The following GABBR2 variants were observed in gnomAD, a reference collection of about 807,000 sequenced individuals.
The protein encoded by GABBR2 is gamma-aminobutyric acid type B receptor subunit 2, also known as G-protein coupled receptor 51.
In GABBR2, 23 loss-of-function variants were observed where a neutral mutation model predicts 105.6. That is an observed-to-expected ratio of 0.22 (90% CI 0.16 to 0.31). The LOEUF is 0.31. GABBR2 is among the 10% of genes least tolerant of loss of function. The pLI is 1.00. For missense variants in GABBR2, 734 were observed against 1,245.5 expected, an observed-to-expected ratio of 0.59 and a Z score of 6.18; for synonymous variants, 478 against 499.7, an observed-to-expected ratio of 0.96 and a Z score of 0.58.
chr9:98,687,029 C>T (rs1383483049), intron 1 of GABBR2, among the ~76,000 whole-genome samples: 2 of 152,096 alleles, frequency 1.3e-5, no homozygotes, highest in African/African-American at 4.8e-5. Context: ...AACCAGGTTT[C>T]CTGCCCTGCC....
At chr9:98,599,250 C>T (rs1829283946) in intron 1 of GABBR2, among the ~76,000 whole-genome samples, 1 of 152,152 alleles carries the variant, frequency 6.6e-6, no homozygotes, top group Non-Finnish European at 1.5e-5. Flanking sequence ...TCCCCACCAC[C>T]ATTTAACCAG....
At chr9:98,507,501 CAAG>C (rs1827536788) in intron 3 of GABBR2, among the ~76,000 whole-genome samples, 1 of 152,174 alleles carries the variant, frequency 6.6e-6, no homozygotes, top group Non-Finnish European at 1.5e-5. Flanking sequence ...CAGTCAAAAT[CAAG>C]AACACCTTGA....
intron 17 of GABBR2, among the ~76,000 whole-genome samples, chr9:98,297,960 G>A (rs1487808428): frequency 6.8e-6 from 1 of 147,578 alleles, no homozygotes; most frequent in African/African-American, 2.5e-5. Flanking sequence ...TCTCCAGTGA[G>A]AATTCTCCAG....
intron 1 of GABBR2, among the ~76,000 whole-genome samples, chr9:98,621,381 T>C (rs938493146): frequency 9.9e-5 from 15 of 152,196 alleles, no homozygotes; most frequent in African/African-American, 3.4e-4. Flanking sequence ...ATTCTTGCCT[T>C]GAGAACACAT....
intron 6 of GABBR2, among the ~76,000 whole-genome samples, chr9:98,464,473 C>T (rs538431082): frequency 2.7e-5 from 4 of 148,546 alleles, no homozygotes; most frequent in South Asian, 2.2e-4. Flanking sequence ...TCTGCCTGGC[C>T]GCCCCCATCT....
chr9:98,545,244 T>C (rs1828377271), intron 2 of GABBR2, among the ~76,000 whole-genome samples: 1 of 152,216 alleles, frequency 6.6e-6, no homozygotes, highest in African/African-American at 2.4e-5. Flanking sequence ...GGGTTTACAA[T>C]AGGCTTGGAG....
At chr9:98,619,031 T>C (rs557097638) in intron 1 of GABBR2, among the ~76,000 whole-genome samples, 1 of 152,276 alleles carries the variant, frequency 6.6e-6, no homozygotes, top group African/African-American at 2.4e-5. Flanking sequence ...AAAAGTGAAG[T>C]GAAGTGTTCT....
intron 1 of GABBR2, among the ~76,000 whole-genome samples, chr9:98,699,545 G>A (rs540982456): frequency 1.3e-5 from 2 of 152,220 alleles, no homozygotes; most frequent in South Asian, 4.1e-4. Context: ...CTATTTGTTC[G>A]ATAAATATTT....
chr9:98,626,733 C>A (rs539211971), intron 1 of GABBR2, among the ~76,000 whole-genome samples: 1 of 152,300 alleles, frequency 6.6e-6, no homozygotes, highest in South Asian at 2.1e-4. Flanking sequence ...CAACACCAAG[C>A]ATTTGCATGT....
At chr9:98,319,325 A>T (rs1307299489) in intron 13 of GABBR2, among the ~76,000 whole-genome samples, 1 of 152,106 alleles carries the variant, frequency 6.6e-6, no homozygotes, top group Non-Finnish European at 1.5e-5. Context: ...AACCTTCCAG[A>T]TCCCTCAGGG....
chr9:98,615,389 T>C (rs569645136), intron 1 of GABBR2, among the ~76,000 whole-genome samples: 9 of 152,316 alleles, frequency 5.9e-5, no homozygotes, highest in African/African-American at 1.9e-4. Context: ...TCCACAGAAG[T>C]GAAGTTCTAC....
intron 1 of GABBR2, among the ~76,000 whole-genome samples, chr9:98,701,806 C>G (rs1299951605): frequency 6.6e-6 from 1 of 152,164 alleles, no homozygotes; most frequent in East Asian, 1.9e-4. Flanking sequence ...CACCAGAAAA[C>G]AAGGGACCCG....
rs529356725 is a variant in GABBR2 at position 98,549,331 on chromosome 9, C to CT, written c.460-7289dup. Among the ~76,000 whole-genome samples the CT allele has an allele frequency of 2.1e-4, 12 of 57,638 alleles. 3 individuals carry two copies. Among genetic ancestry groups the CT allele is most frequent in the Non-Finnish European group, 2.8e-4 (6 of 21,818 alleles). 37.8% of individuals were successfully genotyped at this position (57,638 alleles called of 152,430 possible). A position where few individuals can be genotyped will look rare whatever the true frequency, so the allele number is the denominator to read the frequency against. On this transcript the variant is annotated intron_variant, in intron 2 of 18. Transcript: ENST00000259455. ...ATGTTTTATTGAGTAGCCAAATACC[C>CT]TTTTTTTTCATTTTTGGTTTATGCC...
intron 17 of GABBR2, among the ~76,000 whole-genome samples, chr9:98,295,139 T>A (rs964042258): frequency 6.6e-6 from 1 of 152,238 alleles, no homozygotes; most frequent in Non-Finnish European, 1.5e-5. Context: ...TTATTTGTAA[T>A]CCCCAAATCA....
At position 98,349,344 on chromosome 9, in the gene GABBR2, G is replaced by GTTTTTTTTTTTTTTTTTTTTTTTTTTT. The variant is rs1564026872; in HGVS notation, c.1893+13370_1893+13371insAAAAAAAAAAAAAAAAAAAAAAAAAAA. Among the ~76,000 whole-genome samples, 2 of 105,504 alleles carry GTTTTTTTTTTTTTTTTTTTTTTTTTTT rather than the reference G, an allele frequency of 1.9e-5. 1 individual carries two copies. The highest frequency in any genetic ancestry group is 3.6e-5 in the Non-Finnish European group (2 of 55,464). 69.2% of individuals were successfully genotyped at this position (105,504 alleles called of 152,430 possible). A position where few individuals can be genotyped will look rare whatever the true frequency, so the allele number is the denominator to read the frequency against. On this transcript the variant is annotated intron_variant, in intron 13 of 18. Coordinates refer to ENST00000259455, the MANE Select transcript of GABBR2 (RefSeq NM_005458.8). The stretch of plus-strand genomic sequence containing the variant: ...TTTGGTTTGCCAATATTTTGTTGAA[G>GTTTTTTTTTTTTTTTTTTTTTTTTTTT]TTTTGTTTTTTTTTTTTTTTTTTTT...
chr9:98,467,601 G>A (rs1033798689), intron 6 of GABBR2, among the ~76,000 whole-genome samples: 21 of 152,198 alleles, frequency 1.4e-4, no homozygotes, highest in Non-Finnish European at 7.3e-5. Context: ...TGCTCACAGC[G>A]CAGTGGTAAT....
chr9:98,381,842 C>CACACAAATGAG (rs1831982693), intron 11 of GABBR2, among the ~76,000 whole-genome samples: 1 of 152,156 alleles, frequency 6.6e-6, no homozygotes, highest in Non-Finnish European at 1.5e-5. Flanking sequence ...CAACCTTCCC[C>CACACAAATGAG]TCACACAAAT....
At position 98,548,341 on chromosome 9, in the gene GABBR2, T is replaced by C. The variant is rs1257803476; in HGVS notation, c.460-6298A>G. ...TGTCTAGTAGGCTTTCACCTTAGGC[T>C]GGTCTACATTAAATAAGTGACATCA... On this transcript the variant is annotated intron_variant, in intron 2 of 18. Coordinates refer to ENST00000259455, the MANE Select transcript of GABBR2 (RefSeq NM_005458.8). 2.5e-5 allele frequency among the ~76,000 whole-genome samples: 3 copies of C among 120,254 alleles called. 1 individual carries two copies. The highest frequency in any genetic ancestry group is 5.6e-5 in the Non-Finnish European group (3 of 53,832). The allele number at this position is 120,254 out of a possible 152,430, so 78.9% of individuals were successfully genotyped here. A position where few individuals can be genotyped will look rare whatever the true frequency, so the allele number is the denominator to read the frequency against.
At chr9:98,490,315 A>G (rs1373190111) in intron 4 of GABBR2, among the ~76,000 whole-genome samples, 1 of 152,198 alleles carries the variant, frequency 6.6e-6, no homozygotes, top group Non-Finnish European at 1.5e-5. Flanking sequence ...TGACAAAAAA[A>G]AGGAATAAAG....
Sources: gnomAD v4.1 joint callset for allele counts (sites outside exome capture counted in the v4.1 genomes callset) on GRCh38, gnomAD v4.1.1 for gene constraint, MANE v1.5 for transcripts, NCBI Gene and HGNC (gene_info 2026-07-23, HGNC 2026-07-21) for gene names.